The following EPSTI1 variants were observed in gnomAD, a reference collection of about 807,000 sequenced individuals.
EPSTI1 encodes the protein epithelial stromal interaction 1, also known as epithelial-stromal interaction protein 1.
EPSTI1 carries 66 observed loss-of-function variants against 49.9 expected under a neutral mutation model. The ratio of observed to expected loss-of-function variants is 1.32; its 90% CI spans 1.08 to 1.62. EPSTI1 has a LOEUF of 1.62. Ranked by LOEUF, EPSTI1 falls within the 40% of genes most tolerant of loss-of-function variation. The pLI, the probability that EPSTI1 is intolerant of heterozygous loss-of-function variation, is 0.00. For synonymous variants in EPSTI1, 137 were observed against 130.7 expected (o/e 1.05, Z -0.33); for missense variants, 394 against 365.5 (o/e 1.08, Z -0.64).
At chr13:42,980,661 A>T (rs1379709356) in intron 1 of EPSTI1, among the ~76,000 whole-genome samples, 1 of 152,118 alleles carries the variant, frequency 6.6e-6, no homozygotes, top group Non-Finnish European at 1.5e-5. Flanking sequence ...TCAAGATGAG[A>T]TTTGGGTGGG....
At chr13:42,973,847 GAAAT>G (rs944768129) in intron 1 of EPSTI1, among the ~76,000 whole-genome samples, 8 of 152,050 alleles carry the variant, frequency 5.3e-5, no homozygotes, top group African/African-American at 1.7e-4. Flanking sequence ...TCAAGCCACT[GAAAT>G]AAATATATAT....
intron 1 of EPSTI1, among the ~76,000 whole-genome samples, chr13:42,984,706 C>T (rs928347254): frequency 6.6e-6 from 1 of 152,196 alleles, no homozygotes; most frequent in African/African-American, 2.4e-5. Context: ...ATGAACTGCT[C>T]TTATCAAACC....
At chr13:42,899,434 G>C (rs114839093) in intron 9 of EPSTI1, among the ~76,000 whole-genome samples, 1 of 152,216 alleles carries the variant, frequency 6.6e-6, no homozygotes, top group African/African-American at 2.4e-5. Context: ...ACATAGTTCA[G>C]TCAAATAAAA....
chr13:42,888,315 C>T lies in EPSTI1; in HGVS notation c.*179G>A. The T allele has an allele frequency of 6.2e-7, 1 of 1,614,098 alleles. No homozygotes were observed. Among genetic ancestry groups the T allele is most frequent in the Admixed American group, 1.7e-5 (1 of 60,026 alleles). On this transcript the variant is annotated 3_prime_UTR_variant, in exon 11 of 11. Coordinates refer to ENST00000313624, the MANE Select transcript of EPSTI1 (RefSeq NM_033255.5). ...AATATGAGTTCAGGAATCAGCTCCT[C>T]CAAACATGCATAAATGAGGACAAGG...
At chr13:42,964,603 G>A (rs909697816) in intron 3 of EPSTI1, among the ~76,000 whole-genome samples, 1 of 152,118 alleles carries the variant, frequency 6.6e-6, no homozygotes, top group Non-Finnish European at 1.5e-5. Context: ...GGCTCAGGAG[G>A]CTCTCAGAGG....
At chr13:42,893,108 T>C (rs942600823) in intron 10 of EPSTI1, among the ~76,000 whole-genome samples, 3 of 152,130 alleles carry the variant, frequency 2.0e-5, no homozygotes, top group African/African-American at 7.2e-5. Context: ...ACAGTGGGTT[T>C]AAGAAAAAAA....
intron 1 of EPSTI1, among the ~76,000 whole-genome samples, chr13:42,972,593 A>C (rs1331469685): frequency 6.6e-6 from 1 of 152,184 alleles, no homozygotes. Context: ...TAACTTTTCA[A>C]CTCAATGTGC....
At chr13:42,915,224 G>A (rs531093328) in intron 8 of EPSTI1, among the ~76,000 whole-genome samples, 2 of 152,302 alleles carry the variant, frequency 1.3e-5, no homozygotes, top group South Asian at 4.1e-4. Context: ...AGGAATGAAA[G>A]GTTCTACAAA....
At chr13:42,955,527 C>T (rs947045203) in intron 5 of EPSTI1, among the ~76,000 whole-genome samples, 2 of 152,080 alleles carry the variant, frequency 1.3e-5, no homozygotes, top group Non-Finnish European at 2.9e-5. Flanking sequence ...TATGGCAGGA[C>T]GCGGTGACTC....
chr13:42,983,847 C>T (rs934030031), intron 1 of EPSTI1, among the ~76,000 whole-genome samples: 2 of 152,158 alleles, frequency 1.3e-5, no homozygotes, highest in African/African-American at 4.8e-5. Flanking sequence ...TAGCACATGG[C>T]TAATCATGGA....
At chr13:42,971,547 T>G (rs2039767796) in intron 1 of EPSTI1, among the ~76,000 whole-genome samples, 1 of 152,140 alleles carries the variant, frequency 6.6e-6, no homozygotes, top group African/African-American at 2.4e-5. Context: ...AGCATACATG[T>G]AGGTACAGTT....
rs181370312 is a variant in EPSTI1, at chr13:42,913,247, T to C, written c.741+4294A>G. On this transcript the variant is annotated intron_variant, in intron 8 of 10. Transcript: ENST00000313624. ...ATAATAAATGAGAACACATCAAATC[T>C]ACCCATTAAGAGATTCTGAAACTAG... Among the ~76,000 whole-genome samples, 103 of 152,238 alleles carry C rather than the reference T, an allele frequency of 6.8e-4. 1 individual carries two copies. The highest frequency in any genetic ancestry group is 2.4e-3 in the African/African-American group (98 of 41,556).
At chr13:42,942,437 G>A (rs952627731) in intron 6 of EPSTI1, among the ~76,000 whole-genome samples, 12 of 151,780 alleles carry the variant, frequency 7.9e-5, no homozygotes, top group Non-Finnish European at 1.6e-4. Flanking sequence ...ATACTTATAT[G>A]TTTTTGTGTT....
chr13:42,922,791 C>T lies in EPSTI1; in HGVS notation c.657+3545G>A, dbSNP rs2038051799. Among the ~76,000 whole-genome samples the T allele has an allele frequency of 1.3e-5, 2 of 152,114 alleles. No individual in the cohort carries two copies. The highest frequency in any genetic ancestry group is 2.9e-5 in the Non-Finnish European group (2 of 68,012). On this transcript the variant is annotated intron_variant, in intron 7 of 10. Transcript: ENST00000313624. The surrounding 1 kb of genome is among the most constrained non-coding windows in gnomAD (Gnocchi z 4.8). ...CAATAATCAACCTGCACTGAGTGCT[C>T]ACAGTAGTGTGAGAGAGGAGAGCTG...
chr13:42,935,836 C>A (rs2038544068), intron 6 of EPSTI1, among the ~76,000 whole-genome samples: 1 of 152,158 alleles, frequency 6.6e-6, no homozygotes, highest in Non-Finnish European at 1.5e-5. Context: ...CAGTGATCCA[C>A]CTGCCTCAGC....
At chr13:42,935,369 C>T (rs2038524799) in intron 6 of EPSTI1, among the ~76,000 whole-genome samples, 1 of 152,160 alleles carries the variant, frequency 6.6e-6, no homozygotes, top group Admixed American at 6.5e-5. Flanking sequence ...TCATATATGT[C>T]TGTAAAAATC....
At chr13:42,895,718 TTAAAA>T (rs1206242502) in intron 9 of EPSTI1, among the ~76,000 whole-genome samples, 1 of 152,186 alleles carries the variant, frequency 6.6e-6, no homozygotes, top group Non-Finnish European at 1.5e-5. Flanking sequence ...GTTTTTAAAT[TTAAAA>T]TAATAAATCA....
intron 6 of EPSTI1, among the ~76,000 whole-genome samples, chr13:42,950,439 G>C (rs1337206438): frequency 2.0e-5 from 3 of 152,216 alleles, no homozygotes; most frequent in Non-Finnish European, 4.4e-5. Context: ...TTACACTCAG[G>C]AGAGTCCCTT....
rs148102990 is a variant in EPSTI1, at chr13:42,898,185, A to G, written c.815+2125T>C. On this transcript the variant is annotated intron_variant, in intron 9 of 10. Transcript: ENST00000313624. ...CTTTCTATTATAATACTCAGAGTTG[A>G]GTTTTCTGCAATGTGAACTTTTAAA... Among the ~76,000 whole-genome samples the G allele has an allele frequency of 6.0e-4, 91 of 152,340 alleles. 1 individual carries two copies. The East Asian group carries it at 0.017, about 28-fold the overall frequency.
Sources: allele counts gnomAD v4.1 joint callset (sites outside exome capture counted in the v4.1 genomes callset), GRCh38; gene constraint gnomAD v4.1.1; non-coding constraint Gnocchi (gnomAD v3.1); transcripts MANE v1.5; gene names NCBI Gene and HGNC (gene_info 2026-07-23, HGNC 2026-07-21).